The following ARID4A variants were observed in gnomAD, a reference collection of about 807,000 sequenced individuals.
The protein encoded by ARID4A is AT-rich interactive domain-containing protein 4A.
A neutral mutation model predicts 148.6 loss-of-function variants in ARID4A; 39 were observed. The ratio of observed to expected loss-of-function variants is 0.26; its 90% confidence interval spans 0.20 to 0.34. The LOEUF is 0.34. ARID4A is among the 10% of genes least tolerant of loss of function. The probability of loss-of-function intolerance (pLI) is 1.00; values close to 1 mark genes in which losing one functional copy is unlikely to be tolerated. For missense variants in ARID4A, 1,265 were observed against 1,449.1 expected (o/e 0.87, Z 2.06); for synonymous variants, 475 against 481.2 (o/e 0.99, Z 0.17).
In ARID4A at chr14:58,299,829, T is replaced by C. The variant is rs750750279; in HGVS notation, c.-26T>C. 3 of 1,614,098 alleles carry C rather than the reference T, an allele frequency of 1.9e-6. No homozygotes were observed. The highest frequency in any genetic ancestry group is 1.7e-6 in the Non-Finnish European group (2 of 1,180,040). ...CGACTGCGAAGATAGCTCGCTGAGC[T>C]GGAACCCCACAGATCACCAACAAAA... On this transcript the variant is annotated 5_prime_UTR_variant, in exon 2 of 24. Coordinates refer to ENST00000355431, the MANE Select transcript of ARID4A (RefSeq NM_002892.4).
chr14:58,308,070 G>C (rs1446777992), intron 5 of ARID4A, among the ~76,000 whole-genome samples: 3 of 152,032 alleles, frequency 2.0e-5, no homozygotes, highest in South Asian at 2.1e-4. Context: ...TTCTCATTTT[G>C]GGTTTCTTTA....
At chr14:58,299,638 C>T (rs983104372) in intron 1 of ARID4A, 160 bp from the exon 2 acceptor site, 15 of 619,128 alleles carry the variant, frequency 2.4e-5, no homozygotes, top group Non-Finnish European at 4.0e-5. Context: ...TTCTCGCTGC[C>T]CCCTCAGCTC....
At chr14:58,330,204 T>A (rs1190825102) in intron 11 of ARID4A, 35 bp downstream of exon 11, 5 of 1,595,728 alleles carry the variant, frequency 3.1e-6, no homozygotes, top group African/African-American at 1.4e-5. Flanking sequence ...CAAAAACATC[T>A]TAATACTCTC....
rs753012928 is a variant in ARID4A at position 58,364,278 on chromosome 14, A to T, written c.2189A>T (p.Asp730Val). The T allele has an allele frequency of 2.6e-6, 4 of 1,558,168 alleles. No homozygotes were observed. The highest frequency in any genetic ancestry group is 3.4e-6 in the Non-Finnish European group (4 of 1,162,556). Residue 730 changes from aspartate to valine, a missense_variant, in exon 20 of 24, where the codon GAT becomes GTT. Physicochemically the swap from Asp to Val is radical, Grantham distance 152. This residue lies in a region of ARID4A where 666 missense variants were observed against 730.9 expected (regional missense o/e 0.91). Coordinates refer to ENST00000355431, the MANE Select transcript of ARID4A (RefSeq NM_002892.4). ...GAAAAAAATGAAAATTTGAATGATGATAAGCTAGATGAAGAAAATCCAAAG... is the reference window on the plus strand; with the variant it reads ...GAAAAAAATGAAAATTTGAATGATGTTAAGCTAGATGAAGAAAATCCAAAG... The part of the protein sequence containing the change: ...ELEKNENLND[D>V]KLDEENPKIS...
intron 14 of ARID4A, 58 bp from the exon 15 acceptor site, chr14:58,347,589 G>C: frequency 7.6e-7 from 1 of 1,318,382 alleles, no homozygotes; most frequent in South Asian, 1.6e-5. Flanking sequence ...TTAATAACAT[G>C]AATTCAAGTT....
intron 3 of ARID4A, 84 bp from the exon 4 acceptor site, chr14:58,304,855 ATAAAT>A (rs2031474015): frequency 8.9e-7 from 1 of 1,121,386 alleles, no homozygotes; most frequent in South Asian, 1.4e-5. Flanking sequence ...CTAAGAAAGC[ATAAAT>A]TAAAGACATT....
intron 3 of ARID4A, among the ~76,000 whole-genome samples, 163 bp from the exon 4 acceptor site, chr14:58,304,781 A>G (rs185140133): frequency 6.6e-6 from 1 of 152,286 alleles, no homozygotes; most frequent in East Asian, 1.9e-4. Flanking sequence ...CTCAGCCCTC[A>G]AGGAGCTCAC....
At chr14:58,354,345 A>G (rs1871431000) in intron 17 of ARID4A, among the ~76,000 whole-genome samples, 1 of 152,158 alleles carries the variant, frequency 6.6e-6, no homozygotes, top group Non-Finnish European at 1.5e-5. Context: ...ATAAAAAAGA[A>G]CGTTAGAACT....
At chr14:58,348,294 A>G (rs2034470112) in intron 15 of ARID4A, among the ~76,000 whole-genome samples, 1 of 152,140 alleles carries the variant, frequency 6.6e-6, no homozygotes, top group Non-Finnish European at 1.5e-5. Flanking sequence ...GCCCCACTCT[A>G]CACTAGAATC....
chr14:58,322,656 AGGAT>A (rs2032965436), intron 7 of ARID4A, among the ~76,000 whole-genome samples: 1 of 152,106 alleles, frequency 6.6e-6, no homozygotes, highest in African/African-American at 2.4e-5. Flanking sequence ...AATATATTGC[AGGAT>A]GTCTTAAAAA....
intron 11 of ARID4A, among the ~76,000 whole-genome samples, chr14:58,338,520 G>A (rs1483817826): frequency 1.3e-5 from 2 of 151,964 alleles, no homozygotes; most frequent in African/African-American, 4.8e-5. Context: ...CATTTCAGGG[G>A]ATTCTTCCTG....
chr14:58,304,776 C>T (rs1471714034), intron 3 of ARID4A, among the ~76,000 whole-genome samples, 168 bp from the exon 4 acceptor site: 1 of 152,032 alleles, frequency 6.6e-6, no homozygotes, highest in Non-Finnish European at 1.5e-5. Context: ...GAAGACTCAG[C>T]CCTCAAGGAG....
At chr14:58,365,721 T>A in intron 21 of ARID4A, 99 bp downstream of exon 21, 1 of 1,051,892 alleles carries the variant, frequency 9.5e-7, no homozygotes, top group Non-Finnish European at 1.4e-6. Context: ...TATTGTTTTA[T>A]AACTGCATTT....
Position 58,360,032 on chromosome 14 carries a change from C to T in ARID4A, c.1938+816C>T, listed in dbSNP as rs541010936. ...AGTGAGCCAAGATCGCGCCACTGCG[C>T]TCCAGCCTGGGCGACAGAGCAAGAC... is the stretch of plus-strand genomic sequence containing the variant. On this transcript the variant is annotated intron_variant, in intron 18 of 23. Transcript: ENST00000355431. 2.6e-5 allele frequency among the ~76,000 whole-genome samples: 4 copies of T among 150,982 alleles called. No homozygotes were observed. The East Asian group carries it at 5.9e-4, about 22-fold the overall frequency.
rs1334233329 is a variant in ARID4A at position 58,373,783 on chromosome 14, C to T, written c.*1794C>T. 1 of 159,810 alleles carries T rather than the reference C, an allele frequency of 6.3e-6. No homozygotes were observed. Among genetic ancestry groups the T allele is most frequent in the Non-Finnish European group, 1.4e-5 (1 of 72,480 alleles). The allele number at this position is 159,810 out of a possible 1,614,324, so 9.9% of individuals were successfully genotyped here. A position where few individuals can be genotyped will look rare whatever the true frequency, so the allele number is the denominator to read the frequency against. On this transcript the variant is annotated 3_prime_UTR_variant, in exon 24 of 24. Coordinates refer to ENST00000355431, the MANE Select transcript of ARID4A (RefSeq NM_002892.4). ...TAAGTGATTGCTTTTTTCCTAAGTG[C>T]TTGTAACTTACAGTTGGAAAATCAG...
intron 5 of ARID4A, among the ~76,000 whole-genome samples, chr14:58,306,795 C>T (rs1385929376): frequency 6.6e-6 from 1 of 152,166 alleles, no homozygotes; most frequent in Non-Finnish European, 1.5e-5. Flanking sequence ...AGGAGAATCG[C>T]TTGAACCTGG....
At chr14:58,356,481 A>G (rs1228108389) in intron 17 of ARID4A, among the ~76,000 whole-genome samples, 1 of 152,170 alleles carries the variant, frequency 6.6e-6, no homozygotes, top group Non-Finnish European at 1.5e-5. Flanking sequence ...AAACATTTCC[A>G]TATAAGTTAA....
At chr14:58,305,927 G>A in intron 4 of ARID4A, 95 bp from the exon 5 acceptor site, 1 of 812,178 alleles carries the variant, frequency 1.2e-6, no homozygotes, top group Non-Finnish European at 2.1e-6. Context: ...TCATAAGTAT[G>A]GTGTTTATTT....
Position 58,347,706 on chromosome 14 carries a change from A to C in ARID4A, c.1232A>C (p.His411Pro). The C allele has an allele frequency of 1.2e-6, 2 of 1,614,008 alleles. No individual in the cohort carries two copies. The highest frequency in any genetic ancestry group is 1.7e-6 in the Non-Finnish European group (2 of 1,179,932). Residue 411 changes from histidine to proline, a missense_variant, in exon 15 of 24, where the codon CAT becomes CCT. Transcript: ENST00000355431. ...RSANIQFRTVHHHEPKVKEEK... is the reference protein window; with the variant it reads ...RSANIQFRTVPHHEPKVKEEK... Reference sequence around the variant, plus strand: ...GCAAATATTCAGTTCAGAACTGTTCATCACCATGAACCAAAAGTAAAAGAG... The same window carrying C: ...GCAAATATTCAGTTCAGAACTGTTCCTCACCATGAACCAAAAGTAAAAGAG...
Sources: gnomAD v4.1 joint callset for allele counts (sites outside exome capture counted in the v4.1 genomes callset) on GRCh38, gnomAD v4.1.1 for gene constraint, gnomAD v4.1.1 regional missense constraint, MANE v1.5 for transcripts, NCBI Gene and HGNC (gene_info 2026-07-23, HGNC 2026-07-21) for gene names.